PMM2: variants seen among roughly 807,000 people sequenced by gnomAD.
PMM2 encodes mannose-6-phosphate isomerase.
A neutral mutation model predicts 33.2 loss-of-function variants in PMM2; 35 were observed. That is an observed-to-expected ratio of 1.06 (90% confidence interval 0.81 to 1.40). The LOEUF is 1.40. Among genes scored for constraint, PMM2 ranks in the 40% most tolerant of loss-of-function variants. The pLI is 0.00. For missense variants in PMM2, 386 were observed against 306.0 expected, an observed-to-expected ratio of 1.26 and a Z score of -1.95; for synonymous variants, 153 against 114.7, an observed-to-expected ratio of 1.33 and a Z score of -2.13.
Position 8,804,857 on chromosome 16 carries a change from T to C in PMM2, c.255+14T>C. 6.6e-7 allele frequency: 1 copy of C among 1,517,900 alleles called. No individual in the cohort carries two copies. Among genetic ancestry groups the C allele is most frequent in the Non-Finnish European group, 9.2e-7 (1 of 1,092,368 alleles). The allele number at this position is 1,517,900 out of a possible 1,614,324, so 94.0% of individuals were successfully genotyped here. The stretch of plus-strand genomic sequence containing the variant: ...TTGTGTAGACAGGTAGGTTCTTGAG[T>C]ATCTGAATTACTATATACTATTAAA... On this transcript the variant is annotated intron_variant, in intron 3 of 7. Coordinates refer to ENST00000268261, the MANE Select transcript of PMM2 (RefSeq NM_000303.3).
chr16:8,825,405 A>G (rs1032053074), intron 7 of PMM2, among the ~76,000 whole-genome samples: 6 of 150,912 alleles, frequency 4.0e-5, no homozygotes, highest in Non-Finnish European at 8.8e-5. Flanking sequence ...GGCTCACTGC[A>G]CCCTCCGCCT....
At chr16:8,832,433 G>C (rs2060816204) in intron 7 of PMM2, 4 of 985,406 alleles carry the variant, frequency 4.1e-6, no homozygotes, top group Non-Finnish European at 3.6e-6. Flanking sequence ...AGATCACTCA[G>C]ATTCCACAGA....
chr16:8,827,762 GCA>G (rs1567164688), intron 7 of PMM2, among the ~76,000 whole-genome samples: 7 of 40,310 alleles, frequency 1.7e-4, no homozygotes, highest in African/African-American at 6.8e-4. Context: ...ATATATATAT[GCA>G]CACATTTATA....
intron 7 of PMM2, among the ~76,000 whole-genome samples, chr16:8,825,528 C>A (rs1027087301): frequency 2.6e-5 from 4 of 151,988 alleles, no homozygotes; most frequent in African/African-American, 9.7e-5. Context: ...GCCATGTTGG[C>A]CAGGCTGGTC....
chr16:8,836,163 T>A (rs570409013), intron 7 of PMM2, among the ~76,000 whole-genome samples: 1,408 of 137,790 alleles, frequency 0.01, 40 homozygotes, highest in African/African-American at 0.036. Flanking sequence ...TAATGTGGAG[T>A]GGGTAGCCTC....
chr16:8,839,901 A>G (rs1427314780), intron 7 of PMM2, among the ~76,000 whole-genome samples: 1 of 99,348 alleles, frequency 1.0e-5, no homozygotes, highest in Non-Finnish European at 2.2e-5. Flanking sequence ...AGGTTTTTTA[A>G]ATAAGTGTGA....
Position 8,836,359 on chromosome 16 carries a change from C to A in PMM2, c.640-11365C>A, listed in dbSNP as rs1040675517. On this transcript the variant is annotated intron_variant, in intron 7 of 7. Transcript: ENST00000268261. ...TTCCAGGGGCTCTGGGGAGTGGCTG[C>A]CAGGTGAGTTGAACAGTCTGATTTT... Among the ~76,000 whole-genome samples, 25 of 151,926 alleles carry A rather than the reference C, an allele frequency of 1.6e-4. 1 individual carries two copies. Among genetic ancestry groups the A allele is most frequent in the Non-Finnish European group, 3.5e-4 (24 of 67,966 alleles).
chr16:8,801,440 G>C (rs780681987), intron 1 of PMM2, among the ~76,000 whole-genome samples: 1 of 152,166 alleles, frequency 6.6e-6, no homozygotes, highest in East Asian at 1.9e-4. Context: ...GGAGGCCAAG[G>C]CTGGTGGATC....
intron 7 of PMM2, among the ~76,000 whole-genome samples, chr16:8,814,270 C>T (rs4985042): frequency 0.57 from 87,324 of 151,880 alleles, 25,297 homozygotes; most frequent in East Asian, 0.65. Flanking sequence ...GATGACAGGC[C>T]GCGCCCAGCC....
chr16:8,839,826 G>A (rs74008083), intron 7 of PMM2, among the ~76,000 whole-genome samples: 4,500 of 150,930 alleles, frequency 0.03, 147 homozygotes, highest in African/African-American at 0.079. Flanking sequence ...TATAGGAGCG[G>A]CCACAGGCAT....
At chr16:8,847,280 A>C (rs2060932583) in intron 7 of PMM2, among the ~76,000 whole-genome samples, 1 of 151,862 alleles carries the variant, frequency 6.6e-6, no homozygotes, top group Non-Finnish European at 1.5e-5. Context: ...TGATGTCGCC[A>C]CGTCCCTCAT....
intron 7 of PMM2, among the ~76,000 whole-genome samples, chr16:8,838,447 A>G (rs555979959): frequency 1.5e-4 from 23 of 151,968 alleles, no homozygotes; most frequent in East Asian, 3.9e-4. Context: ...GTGTTGAAGT[A>G]TTGGGGCGGT....
At chr16:8,838,365 G>T (rs938778455) in intron 7 of PMM2, among the ~76,000 whole-genome samples, 6 of 152,042 alleles carry the variant, frequency 3.9e-5, no homozygotes, top group Admixed American at 2.6e-4. Flanking sequence ...AGTCATAGGG[G>T]ATGCGATGGC....
chr16:8,837,824 G>T (rs1265732165), intron 7 of PMM2, among the ~76,000 whole-genome samples: 1 of 152,066 alleles, frequency 6.6e-6, no homozygotes. Context: ...AAATAATCAG[G>T]CGTCCCTGCA....
chr16:8,812,752 A>G (rs536369387), intron 6 of PMM2, among the ~76,000 whole-genome samples: 5 of 152,204 alleles, frequency 3.3e-5, no homozygotes, highest in Admixed American at 3.3e-4. Flanking sequence ...TGCATTTCTC[A>G]CTCTGAGTTG....
intron 2 of PMM2, among the ~76,000 whole-genome samples, chr16:8,803,005 A>G (rs529670141): frequency 1.3e-5 from 2 of 152,150 alleles, no homozygotes; most frequent in South Asian, 2.1e-4. Context: ...TGTCCTGTGC[A>G]TTGTAGGGTC....
intron 7 of PMM2, among the ~76,000 whole-genome samples, chr16:8,827,489 G>A (rs1179512223): frequency 2.7e-5 from 4 of 149,870 alleles, no homozygotes; most frequent in South Asian, 2.1e-4. Flanking sequence ...TCTGCCTCCC[G>A]GGTTCAAGTG....
intron 2 of PMM2, chr16:8,802,213 G>A (rs1359977263): frequency 4.3e-6 from 2 of 459,852 alleles, no homozygotes; most frequent in African/African-American, 4.0e-5. Context: ...CCCGTTGACA[G>A]CCCTTCTAGC....
At chr16:8,843,420 G>A (rs1010838760) in intron 7 of PMM2, among the ~76,000 whole-genome samples, 8 of 152,182 alleles carry the variant, frequency 5.3e-5, no homozygotes, top group African/African-American at 1.7e-4. Flanking sequence ...TCTGGGAGTG[G>A]CTGCCAGGTG....
Sources: gnomAD v4.1 joint callset for allele counts (sites outside exome capture counted in the v4.1 genomes callset) on GRCh38, gnomAD v4.1.1 for gene constraint, MANE v1.5 for transcripts, NCBI Gene and HGNC (gene_info 2026-07-23, HGNC 2026-07-21) for gene names.